Variants in OR8B2 observed in about 807,000 individuals in gnomAD.
OR8B2 encodes olfactory receptor 8B2.
For missense variants in OR8B2, 304 were observed against 379.6 expected (o/e 0.80, Z 1.65); for synonymous variants, 98 against 138.2 (o/e 0.71, Z 2.04).
At chr11:124,384,267 C>T (rs1217908416) in intron 1 of OR8B2, 107 bp downstream of exon 1, 1 of 152,086 alleles carries the variant, frequency 6.6e-6, no homozygotes, top group Non-Finnish European at 1.5e-5. Flanking sequence ...AAATGCAAGC[C>T]CGAGAGTCAG....
chr11:124,396,365 A>C, the OR8B2 span: 1 of 1,511,854 alleles, frequency 6.6e-7, no homozygotes, highest in South Asian at 1.3e-5. Context: ...CACACTAATA[A>C]AAATTTAAAG....
At position 124,383,171 on chromosome 11, in the gene OR8B2, G is replaced by A. The variant is rs746450138; in HGVS notation, c.173C>T (p.Pro58Leu). ...GAGATTGAAGAGGAAATAGTACATT[G>A]GTGTGTGGAGGTGAGAATTTAGACC... ...LFGLNSHLHT[P>L]MYYFLFNLSF... Residue 58 changes from proline to leucine, a missense_variant, in exon 2 of 2, where the codon CCA becomes CTA. Physicochemically the swap from Pro to Leu is moderately conservative, Grantham distance 98. Coordinates refer to ENST00000641451, the MANE Select transcript of OR8B2 (RefSeq NM_001005468.2). 11 of 1,613,836 alleles carry A rather than the reference G, an allele frequency of 6.8e-6. No homozygotes were observed. Among genetic ancestry groups the A allele is most frequent in the South Asian group, 1.1e-5 (1 of 91,074 alleles).
the OR8B2 span, among the ~76,000 whole-genome samples, chr11:124,390,238 T>C: frequency 6.6e-6 from 1 of 152,034 alleles, no homozygotes; most frequent in Admixed American, 6.6e-5. Flanking sequence ...GGCAATGCAA[T>C]GAGGGGGGAT....
At chr11:124,394,260 AAAATAAATAAATAAAT>A in the OR8B2 span, among the ~76,000 whole-genome samples, 1 of 149,492 alleles carries the variant, frequency 6.7e-6, no homozygotes, top group Admixed American at 6.6e-5. Flanking sequence ...AATAATAATA[AAAATAAATAAATAAAT>A]AAATAAATAA....
chr11:124,391,937 G>A, the OR8B2 span, among the ~76,000 whole-genome samples: 429 of 138,924 alleles, frequency 3.1e-3, 1 homozygote, highest in African/African-American at 0.012. Flanking sequence ...CTTCATCCCT[G>A]GGATGCAAGG....
chr11:124,396,145 G>A, the OR8B2 span: 2 of 352,746 alleles, frequency 5.7e-6, no homozygotes, highest in East Asian at 1.0e-4. Context: ...CAGCCCAGGA[G>A]AGAGGAAGGA....
chr11:124,390,105 G>C, the OR8B2 span, among the ~76,000 whole-genome samples: 1 of 152,136 alleles, frequency 6.6e-6, no homozygotes, highest in African/African-American at 2.4e-5. Flanking sequence ...GCCCTCTCAA[G>C]TAGAGGCTCC....
chr11:124,385,350 T>C (rs1175170718), upstream of OR8B2, among the ~76,000 whole-genome samples: 4 of 152,182 alleles, frequency 2.6e-5, no homozygotes, highest in Non-Finnish European at 2.9e-5. Flanking sequence ...CAAAAGTATA[T>C]GTAGATTCCC....
chr11:124,385,147 G>A (rs1860678569), upstream of OR8B2, among the ~76,000 whole-genome samples: 1 of 151,960 alleles, frequency 6.6e-6, no homozygotes, highest in African/African-American at 2.4e-5. Flanking sequence ...ATTATCTTGG[G>A]TTGCTCTAAC....
chr11:124,388,339 G>A (rs189418098), upstream of OR8B2, among the ~76,000 whole-genome samples: 207 of 151,824 alleles, frequency 1.4e-3, 1 homozygote, highest in African/African-American at 4.8e-3. Context: ...TCTTGTGCCA[G>A]TTTTCAAAGG....
At chr11:124,394,768 G>A in the OR8B2 span, among the ~76,000 whole-genome samples, 2 of 152,140 alleles carry the variant, frequency 1.3e-5, no homozygotes, top group Admixed American at 6.6e-5. Flanking sequence ...GAGCTGAGCT[G>A]TTCTTCTCTG....
upstream of OR8B2, among the ~76,000 whole-genome samples, chr11:124,384,731 A>G (rs1232100707): frequency 6.6e-6 from 1 of 152,278 alleles, no homozygotes; most frequent in South Asian, 2.1e-4. Context: ...CTCCCCTACC[A>G]TGACACACTC....
upstream of OR8B2, among the ~76,000 whole-genome samples, chr11:124,386,999 T>C: frequency 6.6e-6 from 1 of 152,290 alleles, no homozygotes; most frequent in Admixed American, 6.5e-5. Context: ...TGCATTTCTC[T>C]GATGGCCAGT....
At chr11:124,386,136 C>CGA (rs1452547644), upstream of OR8B2, among the ~76,000 whole-genome samples, 1 of 150,778 alleles carries the variant, frequency 6.6e-6, no homozygotes, top group East Asian at 1.9e-4. Flanking sequence ...TATCTACTGT[C>CGA]TAATTTCCAA....
chr11:124,386,261 TTTA>T (rs1435300607), upstream of OR8B2, among the ~76,000 whole-genome samples: 1 of 151,914 alleles, frequency 6.6e-6, no homozygotes, highest in Admixed American at 6.6e-5. Context: ...ATTTTTTTAT[TTTA>T]TTATTATTAT....
chr11:124,390,229 G>A, the OR8B2 span, among the ~76,000 whole-genome samples: 1 of 152,144 alleles, frequency 6.6e-6, no homozygotes, highest in East Asian at 1.9e-4. Flanking sequence ...CAAATTCCAG[G>A]CAATGCAATG....
chr11:124,387,102 G>T (rs998412163), upstream of OR8B2, among the ~76,000 whole-genome samples: 11 of 152,274 alleles, frequency 7.2e-5, no homozygotes, highest in Non-Finnish European at 1.2e-4. Context: ...TTTTGATGGG[G>T]TTGTTTGTTT....
upstream of OR8B2, among the ~76,000 whole-genome samples, chr11:124,388,953 G>T (rs113237765): frequency 6.6e-6 from 1 of 151,412 alleles, no homozygotes; most frequent in Non-Finnish European, 1.5e-5. Context: ...AGCCTCCCAA[G>T]TAGCTGGGAT....
At chr11:124,389,347 G>T (rs1447421740), upstream of OR8B2, among the ~76,000 whole-genome samples, 1 of 152,136 alleles carries the variant, frequency 6.6e-6, no homozygotes, top group Non-Finnish European at 1.5e-5. Flanking sequence ...TGTAGAATGT[G>T]CTACTATGCA....
Sources: gnomAD v4.1 joint callset for allele counts (sites outside exome capture counted in the v4.1 genomes callset) on GRCh38, gnomAD v4.1.1 for gene constraint, MANE v1.5 for transcripts, NCBI Gene and HGNC (gene_info 2026-07-23, HGNC 2026-07-21) for gene names.